The following PRKN variants were observed in gnomAD, a reference collection of about 807,000 sequenced individuals.
The protein encoded by PRKN is E3 ubiquitin-protein ligase parkin.
A neutral mutation model predicts 59.5 loss-of-function variants in PRKN; 56 were observed. The ratio of observed to expected loss-of-function variants is 0.94; its 90% CI spans 0.76 to 1.18. PRKN has a LOEUF of 1.18. Ranked by LOEUF, PRKN falls within the 50% of genes most tolerant of loss-of-function variation. The probability of loss-of-function intolerance (pLI) is 0.00; values close to 1 mark genes in which losing one functional copy is unlikely to be tolerated. For missense variants in PRKN, 657 were observed against 596.4 expected (o/e 1.10, Z -1.06); for synonymous variants, 250 against 222.1 (o/e 1.13, Z -1.12).
intron 6 of PRKN, among the ~76,000 whole-genome samples, chr6:161,869,390 AAAAAT>A (rs151016329): frequency 4.6e-5 from 7 of 152,162 alleles, no homozygotes; most frequent in African/African-American, 9.6e-5. Context: ...AATAAAAAAT[AAAAAT>A]AAAATAAAAT....
intron 1 of PRKN, among the ~76,000 whole-genome samples, chr6:162,520,967 G>A (rs1469910159): frequency 1.3e-5 from 2 of 152,076 alleles, no homozygotes; most frequent in Non-Finnish European, 2.9e-5. Context: ...ACTATTTGCA[G>A]CTTAAATATA....
In PRKN at chr6:162,125,144, C is replaced by A. The variant is rs1709466275; in HGVS notation, c.535-70970G>T. ...CAGTTCTGATTTAATAAGAATGACACTAACAGTTAGCAAACATAGAAACGG... is the reference window on the plus strand; with the variant it reads ...CAGTTCTGATTTAATAAGAATGACAATAACAGTTAGCAAACATAGAAACGG... On this transcript the variant is annotated intron_variant, in intron 4 of 11. Coordinates refer to ENST00000366898, the MANE Select transcript of PRKN (RefSeq NM_004562.3). 2.6e-5 allele frequency among the ~76,000 whole-genome samples: 4 copies of A among 152,172 alleles called. No individual in the cohort carries two copies. The South Asian group carries it at 8.3e-4, about 32-fold the overall frequency.
At chr6:162,095,880 G>A (rs1376705226) in intron 4 of PRKN, among the ~76,000 whole-genome samples, 5 of 152,090 alleles carry the variant, frequency 3.3e-5, no homozygotes, top group African/African-American at 4.8e-5. Context: ...TAAGGACAGC[G>A]ATACTAAGTT....
chr6:161,631,793 A>ACACACC (rs151114616), intron 7 of PRKN, among the ~76,000 whole-genome samples: 14,230 of 147,116 alleles, frequency 0.097, 837 homozygotes, highest in Non-Finnish European at 0.14. Context: ...ACACACACAC[A>ACACACC]CCCCACACAC....
At chr6:162,392,389 T>G (rs1375614661) in intron 2 of PRKN, among the ~76,000 whole-genome samples, 1 of 152,112 alleles carries the variant, frequency 6.6e-6, no homozygotes, top group Admixed American at 6.5e-5. Flanking sequence ...ATCTCCAATC[T>G]CTGTCTACTA....
At chr6:162,222,786 C>CA (rs1777991579) in intron 3 of PRKN, among the ~76,000 whole-genome samples, 1 of 152,024 alleles carries the variant, frequency 6.6e-6, no homozygotes, top group African/African-American at 2.4e-5. Context: ...TATTACACAG[C>CA]AAAAAATGAC....
intron 2 of PRKN, among the ~76,000 whole-genome samples, chr6:162,364,679 G>C (rs1785328480): frequency 6.6e-6 from 1 of 152,110 alleles, no homozygotes; most frequent in South Asian, 2.1e-4. Flanking sequence ...GGCGAGCTGG[G>C]CCCTCTCATG....
chr6:161,877,601 A>G (rs1359095447), intron 6 of PRKN, among the ~76,000 whole-genome samples: 1 of 151,358 alleles, frequency 6.6e-6, no homozygotes, highest in Admixed American at 6.6e-5. Flanking sequence ...CTGAGACTAC[A>G]GGTGCCCGCC....
In PRKN at chr6:161,362,726, G is replaced by A. The variant is rs1785024205; in HGVS notation, c.1168-2521C>T. Among the ~76,000 whole-genome samples, 1 of 152,160 alleles carries A rather than the reference G, an allele frequency of 6.6e-6. No individual in the cohort carries two copies. Among genetic ancestry groups the A allele is most frequent in the African/African-American group, 2.4e-5 (1 of 41,420 alleles). ...ATATTACCAGATTGGCATATACCCT[G>A]GAACCAGGCGGAAGCAAAAATATCT... On this transcript the variant is annotated intron_variant, in intron 10 of 11. Coordinates refer to ENST00000366898, the MANE Select transcript of PRKN (RefSeq NM_004562.3). The surrounding 1 kb of genome is among the most constrained non-coding windows in gnomAD (Gnocchi z 5.2).
chr6:161,914,518 CTGTT>C lies in PRKN; in HGVS notation c.734+58780_734+58783del, dbSNP rs374277357. Among the ~76,000 whole-genome samples the C allele has an allele frequency of 8.6e-5, 13 of 151,994 alleles. No individual in the cohort carries two copies. The East Asian group carries it at 1.2e-3, about 14-fold the overall frequency. On this transcript the variant is annotated intron_variant, in intron 6 of 11. Coordinates refer to ENST00000366898, the MANE Select transcript of PRKN (RefSeq NM_004562.3). Reference sequence around the variant, plus strand: ...ACTTTTTATACTACACCCATCTGCACTGTTTTTTTTAACGTGAAACATGTAACTT... The same window carrying C: ...ACTTTTTATACTACACCCATCTGCACTTTTTTAACGTGAAACATGTAACTT...
intron 6 of PRKN, among the ~76,000 whole-genome samples, chr6:161,828,512 T>C (rs774538326): frequency 3.3e-5 from 5 of 152,186 alleles, no homozygotes; most frequent in Admixed American, 6.5e-5. Flanking sequence ...GCCACTGTGC[T>C]TCTGCCCAAA....
At chr6:162,209,276 G>A (rs950486951) in intron 3 of PRKN, among the ~76,000 whole-genome samples, 1 of 152,118 alleles carries the variant, frequency 6.6e-6, no homozygotes, top group Non-Finnish European at 1.5e-5. Context: ...CCATCAAAAA[G>A]TGGGCAAAGG....
intron 7 of PRKN, among the ~76,000 whole-genome samples, chr6:161,671,564 C>T (rs1036527022): frequency 3.9e-5 from 6 of 152,120 alleles, no homozygotes; most frequent in Non-Finnish European, 5.9e-5. Flanking sequence ...GACGGGCTAC[C>T]GTAGTTCCTC....
chr6:162,310,830 C>T (rs1782476201), intron 2 of PRKN, among the ~76,000 whole-genome samples: 1 of 151,726 alleles, frequency 6.6e-6, no homozygotes, highest in South Asian at 2.1e-4. Context: ...TTTTTAAAAA[C>T]TAGTGAATTC....
At chr6:162,424,749 A>G (rs1401034449) in intron 2 of PRKN, among the ~76,000 whole-genome samples, 3 of 151,234 alleles carry the variant, frequency 2.0e-5, no homozygotes, top group East Asian at 1.9e-4. Flanking sequence ...AAAAAAAAAA[A>G]AAAGAAAAGA....
intron 1 of PRKN, among the ~76,000 whole-genome samples, chr6:162,491,340 T>A (rs980935777): frequency 2.0e-5 from 3 of 150,776 alleles, no homozygotes; most frequent in African/African-American, 4.9e-5. Context: ...AAACAACAAA[T>A]TGCTCAGCAT....
At chr6:162,531,608 G>A (rs565456024) in intron 1 of PRKN, among the ~76,000 whole-genome samples, 2 of 151,974 alleles carry the variant, frequency 1.3e-5, no homozygotes, top group African/African-American at 2.4e-5. Context: ...ATCTGGGTGG[G>A]GCCAGCTGAT....
intron 3 of PRKN, among the ~76,000 whole-genome samples, chr6:162,237,168 G>A (rs1356338316): frequency 6.6e-6 from 1 of 152,054 alleles, no homozygotes; most frequent in Non-Finnish European, 1.5e-5. Flanking sequence ...TAGTTCTGGT[G>A]GTTGTTCCTT....
Position 161,440,847 on chromosome 6 carries a change from C to A in PRKN, c.1084-53970G>T, listed in dbSNP as rs540703744. Reference sequence around the variant, plus strand: ...TATTTGTCTTCGAGAATATTAAAGACCAGCATCTCTCCAGAATACAAATAA... The same window carrying A: ...TATTTGTCTTCGAGAATATTAAAGAACAGCATCTCTCCAGAATACAAATAA... On this transcript the variant is annotated intron_variant, in intron 9 of 11. Transcript: ENST00000366898. This position sits in a 1 kb window ranked among gnomAD's most constrained non-coding sequence, Gnocchi z 4.1. Among the ~76,000 whole-genome samples the A allele has an allele frequency of 6.6e-5, 10 of 152,198 alleles. No individual in the cohort carries two copies. Among genetic ancestry groups the A allele is most frequent in the Non-Finnish European group, 1.2e-4 (8 of 68,000 alleles).
Sources: gnomAD v4.1 joint callset for allele counts (sites outside exome capture counted in the v4.1 genomes callset) on GRCh38, gnomAD v4.1.1 for gene constraint, Gnocchi (gnomAD v3.1) non-coding constraint, MANE v1.5 for transcripts, NCBI Gene and HGNC (gene_info 2026-07-23, HGNC 2026-07-21) for gene names.